The following SCG3 variants were observed in gnomAD, a reference collection of about 807,000 sequenced individuals.
SCG3 encodes the protein secretogranin-3.
A neutral mutation model predicts 56.2 loss-of-function variants in SCG3; 38 were observed. That is an observed-to-expected ratio of 0.68 (90% CI 0.52 to 0.89). The LOEUF (loss-of-function observed/expected upper bound fraction) is 0.89, where lower values mean the gene tolerates loss of function less well. SCG3 is among the 40% of genes least tolerant of loss of function. SCG3 has a pLI of 0.00. For synonymous variants in SCG3, 176 were observed against 184.2 expected, an observed-to-expected ratio of 0.96 and a Z score of 0.36; for missense variants, 524 against 540.7, an observed-to-expected ratio of 0.97 and a Z score of 0.31.
At chr15:51,713,013 A>G (rs182818926) in intron 10 of SCG3, 37 of 234,322 alleles carry the variant, frequency 1.6e-4, no homozygotes, top group African/African-American at 8.3e-4. Context: ...GGACCCATCT[A>G]TCTAGTAAAC....
At chr15:51,716,680 C>T (rs1169646510) in intron 11 of SCG3, among the ~76,000 whole-genome samples, 5 of 152,218 alleles carry the variant, frequency 3.3e-5, no homozygotes, top group Non-Finnish European at 7.3e-5. Flanking sequence ...CTTCTGTGAC[C>T]AAATGCGTGG....
chr15:51,719,352 T>G, intron 11 of SCG3, 56 bp from the exon 12 acceptor site: 1 of 1,196,218 alleles, frequency 8.4e-7, no homozygotes, highest in Non-Finnish European at 1.2e-6. Context: ...GTAATCACTG[T>G]AATGGGATTG....
intron 11 of SCG3, among the ~76,000 whole-genome samples, chr15:51,715,433 T>C (rs1229114123): frequency 2.0e-5 from 3 of 152,120 alleles, no homozygotes; most frequent in Non-Finnish European, 4.4e-5. Context: ...TTCTGACCTT[T>C]CTTAACCATT....
intron 11 of SCG3, chr15:51,715,211 T>C (rs139318303): frequency 6.6e-6 from 1 of 152,332 alleles, no homozygotes; most frequent in Non-Finnish European, 1.5e-5. Context: ...TATGGAAGGC[T>C]CTGTTAGCAA....
chr15:51,698,647 C>T lies in SCG3; in HGVS notation c.986-672C>T, dbSNP rs561177233. On this transcript the variant is annotated intron_variant, in intron 8 of 11. Coordinates refer to ENST00000220478, the MANE Select transcript of SCG3 (RefSeq NM_013243.4). ...TCTGGCTTTGGGTTTGCGAATTCCA[C>T]CAACAGTGTGAGGAATTGACCTCAT... 6.6e-5 allele frequency among the ~76,000 whole-genome samples: 10 copies of T among 152,284 alleles called. No individual in the cohort carries two copies. The East Asian group carries it at 1.9e-3, about 29-fold the overall frequency.
intron 10 of SCG3, among the ~76,000 whole-genome samples, chr15:51,705,118 A>G (rs2055367283): frequency 6.6e-6 from 1 of 152,110 alleles, no homozygotes; most frequent in Non-Finnish European, 1.5e-5. Context: ...GGCAGCATAG[A>G]GCATTACAGC....
intron 10 of SCG3, chr15:51,713,007 C>T (rs1595841533): frequency 4.8e-6 from 1 of 209,716 alleles, no homozygotes; most frequent in Admixed American, 6.3e-5. Context: ...ATCTAAGGAC[C>T]CATCTATCTA....
intron 4 of SCG3, 42 bp downstream of exon 4, chr15:51,683,476 C>G: frequency 7.9e-7 from 1 of 1,262,684 alleles, no homozygotes; most frequent in Admixed American, 2.1e-5. Context: ...GTGGAGTTTC[C>G]TATAATGGGT....
chr15:51,697,973 T>C lies in SCG3; in HGVS notation c.986-1346T>C, dbSNP rs180799014. 1.6e-3 allele frequency among the ~76,000 whole-genome samples: 240 copies of C among 152,268 alleles called. 4 individuals are homozygous for C. The highest frequency in any genetic ancestry group is 5.5e-3 in the African/African-American group (228 of 41,562). On this transcript the variant is annotated intron_variant, in intron 8 of 11. Coordinates refer to ENST00000220478, the MANE Select transcript of SCG3 (RefSeq NM_013243.4). ...TCAGGGCAGCATGGGTAGAAGACGA[T>C]TGACCAGCCTCCTCTCCTCCCATCT...
At chr15:51,706,761 T>G (rs2055379066) in intron 10 of SCG3, among the ~76,000 whole-genome samples, 1 of 152,126 alleles carries the variant, frequency 6.6e-6, no homozygotes, top group African/African-American at 2.4e-5. Context: ...TGAATCTCAT[T>G]TCAAGCTTAA....
intron 6 of SCG3, among the ~76,000 whole-genome samples, chr15:51,689,829 T>C (rs1470484410): frequency 6.6e-6 from 1 of 152,038 alleles, no homozygotes; most frequent in Non-Finnish European, 1.5e-5. Flanking sequence ...TGTATATACA[T>C]AAAATACCAA....
At chr15:51,694,455 C>T (rs1477376231) in intron 7 of SCG3, among the ~76,000 whole-genome samples, 1 of 152,148 alleles carries the variant, frequency 6.6e-6, no homozygotes, top group Non-Finnish European at 1.5e-5. Flanking sequence ...AAATCCCCAC[C>T]AGTTGAGAAA....
intron 10 of SCG3, among the ~76,000 whole-genome samples, chr15:51,705,521 TC>T (rs984992340): frequency 1.3e-5 from 2 of 151,532 alleles, no homozygotes; most frequent in Non-Finnish European, 2.9e-5. Context: ...TTAGTGTTAT[TC>T]TTTTTTTTTT....
intron 4 of SCG3, among the ~76,000 whole-genome samples, chr15:51,686,701 TTGTA>T (rs2055231323): frequency 6.8e-6 from 1 of 146,314 alleles, no homozygotes; most frequent in South Asian, 2.1e-4. Context: ...GTTTGTTTGT[TTGTA>T]TGTTTGTTTG....
intron 8 of SCG3, among the ~76,000 whole-genome samples, chr15:51,697,431 C>T (rs908372075): frequency 6.6e-6 from 1 of 152,228 alleles, no homozygotes; most frequent in Non-Finnish European, 1.5e-5. Flanking sequence ...TAACCACTAA[C>T]CACAAGTTCG....
intron 11 of SCG3, among the ~76,000 whole-genome samples, chr15:51,718,449 A>G (rs899773966): frequency 3.9e-5 from 6 of 152,154 alleles, no homozygotes; most frequent in African/African-American, 1.4e-4. Context: ...TTCCTTTCTC[A>G]TAAGAGCTTA....
intron 10 of SCG3, among the ~76,000 whole-genome samples, chr15:51,704,242 TAC>T (rs1449236951): frequency 0.063 from 5,085 of 81,008 alleles, 158 homozygotes; most frequent in East Asian, 0.19. Flanking sequence ...CATACATACA[TAC>T]ATATATATAT....
intron 10 of SCG3, among the ~76,000 whole-genome samples, chr15:51,711,317 C>T (rs1337150969): frequency 3.3e-5 from 5 of 152,230 alleles, no homozygotes; most frequent in African/African-American, 1.2e-4. Flanking sequence ...ACAGACTAAG[C>T]TGTGGTTTTC....
chr15:51,709,705 T>G (rs866313507), intron 10 of SCG3, among the ~76,000 whole-genome samples: 3 of 15,852 alleles, frequency 1.9e-4, no homozygotes, highest in African/African-American at 7.8e-4. Context: ...ATATATATTT[T>G]TTTTTTTTTT....
Sources: allele counts gnomAD v4.1 joint callset (sites outside exome capture counted in the v4.1 genomes callset), GRCh38; gene constraint gnomAD v4.1.1; transcripts MANE v1.5; gene names NCBI Gene and HGNC (gene_info 2026-07-23, HGNC 2026-07-21).